Variants in IGFL4 observed in about 807,000 individuals in gnomAD.
IGFL4 encodes the protein IGF like family member 4.
IGFL4 carries 12 observed loss-of-function variants against 15.4 expected under a neutral mutation model. The observed-to-expected ratio is 0.78, with a 90% CI of 0.50 to 1.26. The LOEUF (loss-of-function observed/expected upper bound fraction) is 1.26. IGFL4 is among the 50% of genes most tolerant of loss of function. The pLI, the probability that IGFL4 is intolerant of heterozygous loss-of-function variation, is 0.00. For synonymous variants in IGFL4, 54 were observed against 55.9 expected (o/e 0.97, Z 0.16); for missense variants, 126 against 147.8 (o/e 0.85, Z 0.76).
chr19:46,073,569 T>C (rs1969566755), intron 1 of IGFL4, among the ~76,000 whole-genome samples: 1 of 152,140 alleles, frequency 6.6e-6, no homozygotes, highest in Non-Finnish European at 1.5e-5. Flanking sequence ...GGAGACAAAG[T>C]TACCACACCC....
intron 1 of IGFL4, among the ~76,000 whole-genome samples, chr19:46,075,927 C>T (rs11881060): frequency 0.013 from 2,029 of 152,200 alleles, 39 homozygotes; most frequent in African/African-American, 0.045. Context: ...TTGGGTTTAT[C>T]TTAGTCCATT....
chr19:46,067,003 C>T (rs1422050208), intron 1 of IGFL4, among the ~76,000 whole-genome samples: 1 of 152,214 alleles, frequency 6.6e-6, no homozygotes, highest in Non-Finnish European at 1.5e-5. Context: ...ATCTGGTTCT[C>T]ACTGGAGAGA....
Position 46,039,386 on chromosome 19 carries a change from G to A in IGFL4, c.*506C>T, listed in dbSNP as rs1343212365. Among the ~76,000 whole-genome samples the A allele has an allele frequency of 6.9e-6, 1 of 144,660 alleles. No individual in the cohort carries two copies. The highest frequency in any genetic ancestry group is 2.0e-4 in the East Asian group (1 of 5,002). The allele number at this position is 144,660 out of a possible 152,430, so 94.9% of individuals were successfully genotyped here. A position where few individuals can be genotyped will look rare whatever the true frequency, so the allele number is the denominator to read the frequency against. ...ACTTGGCGATGAGGGCTCTTTTTTG[G>A]TTCCATATGAACTTTAAAGTAGTTT... On this transcript the variant is annotated 3_prime_UTR_variant, in exon 4 of 4. Coordinates refer to ENST00000377697, the MANE Select transcript of IGFL4 (RefSeq NM_001002923.3).
intron 1 of IGFL4, among the ~76,000 whole-genome samples, chr19:46,071,825 A>C (rs1568717523): frequency 6.6e-6 from 1 of 152,244 alleles, no homozygotes; most frequent in East Asian, 1.9e-4. Context: ...GTTTGAGACC[A>C]GCAACTCCTG....
chr19:46,039,670 C>A lies in IGFL4; in HGVS notation c.*222G>T, dbSNP rs1161393494. 1 of 433,032 alleles carries A rather than the reference C, an allele frequency of 2.3e-6. No individual in the cohort carries two copies. Among genetic ancestry groups the A allele is most frequent in the Non-Finnish European group, 4.3e-6 (1 of 230,622 alleles). 26.8% of individuals were successfully genotyped at this position (433,032 alleles called of 1,614,324 possible). A position where few individuals can be genotyped will look rare whatever the true frequency, so the allele number is the denominator to read the frequency against. On this transcript the variant is annotated 3_prime_UTR_variant, in exon 4 of 4. Coordinates refer to ENST00000377697, the MANE Select transcript of IGFL4 (RefSeq NM_001002923.3). ...TGTGAAGCAATTGTGAATGGGAGTT[C>A]ACTCATGATTTGGCTCTCTGTTTGT...
Position 46,040,652 on chromosome 19 carries a change from C to A in IGFL4, c.20-84G>T. 1 of 1,486,074 alleles carries A rather than the reference C, an allele frequency of 6.7e-7. No individual in the cohort carries two copies. Among genetic ancestry groups the A allele is most frequent in the South Asian group, 1.2e-5 (1 of 86,784 alleles). 92.1% of individuals were successfully genotyped at this position (1,486,074 alleles called of 1,614,324 possible). On this transcript the variant is annotated intron_variant, in intron 1 of 3. Transcript: ENST00000377697. The surrounding 1 kb of genome is among the most constrained non-coding windows in gnomAD (Gnocchi z 4.1). Reference sequence around the variant, plus strand: ...CACAGGATGATGTCTCTGAGCTTCTCTGGTTGCTGTTAACAGCTCAGAGTG... The same window carrying A: ...CACAGGATGATGTCTCTGAGCTTCTATGGTTGCTGTTAACAGCTCAGAGTG...
chr19:46,074,045 C>T (rs1412448200), intron 1 of IGFL4, among the ~76,000 whole-genome samples: 3 of 152,066 alleles, frequency 2.0e-5, no homozygotes, highest in Non-Finnish European at 4.4e-5. Context: ...TTCTCCTTCG[C>T]ACAGTGTTAG....
chr19:46,045,227 G>A (rs550871469), upstream of IGFL4, among the ~76,000 whole-genome samples: 45 of 152,170 alleles, frequency 3.0e-4, no homozygotes, highest in African/African-American at 1.1e-3. Flanking sequence ...GGTGGATCAC[G>A]AGGTCAGGAG....
At position 46,064,080 on chromosome 19, in the gene IGFL4, A is replaced by AC. The variant is rs796143274; in HGVS notation, c.-431-3788_-431-3787insG. ...GAACGAGACTCCACCTGAAAAAAAA[A>AC]AAAAAATTCCAACAGCTTTTTTCTT... On this transcript the variant is annotated intron_variant, in intron 1 of 5. Coordinates refer to the IGFL4 transcript ENST00000601672. Among the ~76,000 whole-genome samples the AC allele has an allele frequency of 1.1e-3, 164 of 151,906 alleles. 2 individuals are homozygous for AC. Among genetic ancestry groups the AC allele is most frequent in the African/African-American group, 3.9e-3 (160 of 41,398 alleles).
At chr19:46,049,456 G>C (rs918337988) in intron 2 of IGFL4, among the ~76,000 whole-genome samples, 1 of 152,150 alleles carries the variant, frequency 6.6e-6, no homozygotes, top group Non-Finnish European at 1.5e-5. Flanking sequence ...GGCCTTTTGG[G>C]TTGTGGGCTG....
intron 2 of IGFL4, among the ~76,000 whole-genome samples, chr19:46,053,182 G>T (rs114024673): frequency 0.02 from 3,040 of 152,186 alleles, 132 homozygotes; most frequent in African/African-American, 0.07. Flanking sequence ...GGGTATCTGT[G>T]TTACTTCACT....
intron 2 of IGFL4, among the ~76,000 whole-genome samples, chr19:46,054,103 T>C (rs1969371879): frequency 6.6e-6 from 1 of 152,200 alleles, no homozygotes; most frequent in South Asian, 2.1e-4. Flanking sequence ...GCAGAGCTTT[T>C]TATTTTGATA....
chr19:46,071,920 G>C (rs1969550428), intron 1 of IGFL4, among the ~76,000 whole-genome samples: 1 of 152,220 alleles, frequency 6.6e-6, no homozygotes, highest in African/African-American at 2.4e-5. Context: ...CTACTCGGGA[G>C]TCTGAGGTGG....
At chr19:46,059,993 T>G (rs1338584104) in intron 2 of IGFL4, 1 of 152,116 alleles carries the variant, frequency 6.6e-6, no homozygotes, top group Non-Finnish European at 1.5e-5. Flanking sequence ...AGACAAGGCA[T>G]GAGGCCAGGT....
chr19:46,064,724 A>G (rs567524809), intron 1 of IGFL4, among the ~76,000 whole-genome samples: 1 of 152,286 alleles, frequency 6.6e-6, no homozygotes, highest in African/African-American at 2.4e-5. Flanking sequence ...TTGTTTCCAA[A>G]TTTTGGCTAT....
intron 1 of IGFL4, among the ~76,000 whole-genome samples, chr19:46,065,880 G>A (rs1482592240): frequency 6.6e-6 from 1 of 152,192 alleles, no homozygotes; most frequent in Non-Finnish European, 1.5e-5. Flanking sequence ...ATCCATGGAA[G>A]CAGCCAGGAA....
intron 1 of IGFL4, among the ~76,000 whole-genome samples, chr19:46,061,059 C>A (rs1337213152): frequency 6.6e-6 from 1 of 152,156 alleles, no homozygotes; most frequent in African/African-American, 2.4e-5. Context: ...CTGAGTAATA[C>A]CCCTTTAACT....
chr19:46,044,287 CAGG>C (rs1969276652), upstream of IGFL4, among the ~76,000 whole-genome samples: 1 of 152,144 alleles, frequency 6.6e-6, no homozygotes, highest in African/African-American at 2.4e-5. Flanking sequence ...CACAGAGACC[CAGG>C]AGTTTTACGT....
chr19:46,060,745 T>C lies in IGFL4; in HGVS notation c.-431-452A>G, dbSNP rs140852468. On this transcript the variant is annotated intron_variant, in intron 1 of 5. Transcript: ENST00000601672. ...CTCATGATTTGGGAACACATACCAA[T>C]ACATATTTACACAAATACAGCCCAA... is the stretch of plus-strand genomic sequence containing the variant. Among the ~76,000 whole-genome samples the C allele has an allele frequency of 1.3e-3, 192 of 152,300 alleles. 6 individuals carry two copies. The East Asian group carries it at 0.035, about 28-fold the overall frequency.
Sources: gnomAD v4.1 joint callset for allele counts (sites outside exome capture counted in the v4.1 genomes callset) on GRCh38, gnomAD v4.1.1 for gene constraint, Gnocchi (gnomAD v3.1) non-coding constraint, MANE v1.5 for transcripts, NCBI Gene and HGNC (gene_info 2026-07-23, HGNC 2026-07-21) for gene names.